The following UEVLD variants were observed in gnomAD, a reference collection of about 807,000 sequenced individuals.
The protein encoded by UEVLD is UEV and lactate/malate dehyrogenase domains.
In UEVLD, 47 loss-of-function variants were observed where a neutral mutation model predicts 58.6. That is an observed-to-expected ratio of 0.80 (90% confidence interval 0.63 to 1.02). The LOEUF (loss-of-function observed/expected upper bound fraction) is 1.02, where lower values mean the gene tolerates loss of function less well. UEVLD is among the 50% of genes least tolerant of loss of function. The probability of loss-of-function intolerance (pLI) is 0.00; values close to 1 mark genes in which losing one functional copy is unlikely to be tolerated. For missense variants in UEVLD, 510 were observed against 550.6 expected, an observed-to-expected ratio of 0.93 and a Z score of 0.74; for synonymous variants, 197 against 195.3, an observed-to-expected ratio of 1.01 and a Z score of -0.07.
At chr11:18,582,125 ATAATT>A (rs1853271213) in intron 1 of UEVLD, among the ~76,000 whole-genome samples, 1 of 152,334 alleles carries the variant, frequency 6.6e-6, no homozygotes, top group Admixed American at 6.5e-5. Flanking sequence ...ATCAACAAAT[ATAATT>A]TGTTTCATTT....
intron 2 of UEVLD, 126 bp from the exon 3 acceptor site, chr11:18,575,538 A>C: frequency 1.2e-6 from 1 of 859,526 alleles, no homozygotes; most frequent in Admixed American, 2.9e-5. Flanking sequence ...ACAATCTCTA[A>C]ACATAATCTA....
intron 7 of UEVLD, among the ~76,000 whole-genome samples, chr11:18,547,686 T>C (rs961155115): frequency 1.3e-5 from 2 of 152,244 alleles, no homozygotes; most frequent in Non-Finnish European, 2.9e-5. Flanking sequence ...GAACCTACCA[T>C]CAATTACACC....
chr11:18,569,627 A>C (rs1246958016), intron 4 of UEVLD, among the ~76,000 whole-genome samples: 1 of 113,670 alleles, frequency 8.8e-6, no homozygotes, highest in African/African-American at 3.0e-5. Context: ...TCAGGTAACC[A>C]TTAAAAACCA....
chr11:18,585,645 T>A (rs116960334), intron 1 of UEVLD, among the ~76,000 whole-genome samples: 5,392 of 138,152 alleles, frequency 0.039, 110 homozygotes, highest in African/African-American at 0.047. Context: ...TATTATTATT[T>A]TTTTTTTTTT....
At chr11:18,559,934 G>C (rs1450111402) in intron 6 of UEVLD, among the ~76,000 whole-genome samples, 2 of 152,034 alleles carry the variant, frequency 1.3e-5, no homozygotes, top group Non-Finnish European at 2.9e-5. Context: ...AGATCTACCA[G>C]ACTATCAGAC....
In UEVLD at chr11:18,570,319, G is replaced by T; in HGVS notation, c.252C>A (p.Pro84=). The change falls in exon 4 of 12, where the codon CCC becomes CCA. Residue 84 remains proline, a synonymous_variant. Coordinates refer to ENST00000396197, the MANE Select transcript of UEVLD (RefSeq NM_001040697.4). ...CAGTTGGCTTCAAGAAGCAAATAGG[G>T]GGAGCGAAAGGGTGAGAATCCAAAA... is the stretch of plus-strand genomic sequence containing the variant. The part of the protein sequence containing the change: ...FWILDSHPFA[P]PICFLKPTAN... The T allele has an allele frequency of 1.3e-6, 2 of 1,583,766 alleles. No homozygotes were observed. Among genetic ancestry groups the T allele is most frequent in the Non-Finnish European group, 1.7e-6 (2 of 1,171,664 alleles).
At chr11:18,557,027 G>A (rs1177962555) in intron 7 of UEVLD, among the ~76,000 whole-genome samples, 8 of 150,648 alleles carry the variant, frequency 5.3e-5, no homozygotes, top group Non-Finnish European at 1.0e-4. Flanking sequence ...GGGAAGTGGA[G>A]GTTCCAGTGA....
chr11:18,586,873 AC>A (rs1219100123), intron 1 of UEVLD, among the ~76,000 whole-genome samples: 1 of 136,402 alleles, frequency 7.3e-6, no homozygotes, highest in Non-Finnish European at 1.7e-5. Flanking sequence ...TACTAAAAAT[AC>A]AAAAAAAATT....
At chr11:18,557,555 C>CTT (rs565115740) in intron 7 of UEVLD, among the ~76,000 whole-genome samples, 1 of 138,088 alleles carries the variant, frequency 7.2e-6, no homozygotes. Context: ...TTCTTTTTTT[C>CTT]TTTTTTTTTT....
intron 5 of UEVLD, 40 bp downstream of exon 5, chr11:18,566,307 T>G (rs1466570576): frequency 6.2e-7 from 1 of 1,611,008 alleles, no homozygotes; most frequent in East Asian, 2.2e-5. Flanking sequence ...AACTGGTAAC[T>G]CATAACTCTC....
rs1590302697 is a variant in UEVLD, at chr11:18,534,390, G to A, written c.1188C>T (p.Asp396=). Residue 396 remains aspartate, a synonymous_variant, in exon 11 of 12, where the codon GAC becomes GAT. Transcript: ENST00000396197. ...RSWSVGLSVA[D]MVDSIVNNKK... ...TATTGTTTACAATACTGTCAACCAT[G>A]TCAGCTACTGATAGTCCAACAGACC... is the stretch of plus-strand genomic sequence containing the variant. The A allele has an allele frequency of 6.3e-7, 1 of 1,578,992 alleles. No homozygotes were observed. Among genetic ancestry groups the A allele is most frequent in the African/African-American group, 1.4e-5 (1 of 73,092 alleles).
chr11:18,542,392 C>A (rs1044167582), intron 9 of UEVLD, among the ~76,000 whole-genome samples: 1 of 151,888 alleles, frequency 6.6e-6, no homozygotes, highest in Non-Finnish European at 1.5e-5. Flanking sequence ...TACATTTGCT[C>A]CAAGTTCTTG....
At position 18,532,277 on chromosome 11, in the gene UEVLD, T is replaced by G. The variant is rs746662681; in HGVS notation, c.*43A>C. On this transcript the variant is annotated 3_prime_UTR_variant, in exon 12 of 12. Transcript: ENST00000396197. ...TATATAGGTAAAATTAAATGACTTTTCCCTTTAGGTAGAAGTCCAGCCTCT... is the reference window on the plus strand; with the variant it reads ...TATATAGGTAAAATTAAATGACTTTGCCCTTTAGGTAGAAGTCCAGCCTCT... 3.0e-5 allele frequency: 46 copies of G among 1,537,798 alleles called. No individual in the cohort carries two copies. The highest frequency in any genetic ancestry group is 1.1e-4 in the Admixed American group (5 of 46,868).
At chr11:18,583,657 C>CTTTTTT (rs35384688) in intron 1 of UEVLD, among the ~76,000 whole-genome samples, 79 of 117,236 alleles carry the variant, frequency 6.7e-4, no homozygotes, top group East Asian at 1.8e-3. Context: ...TCCAGTATTA[C>CTTTTTT]TTTTTTTTTT....
In UEVLD at chr11:18,534,329, C is replaced by T. The variant is rs200269677; in HGVS notation, c.1248+1G>A. ...AATAAGAGAATAAGAATAGCAATTA[C>T]CTTTGCTAAAGCTGATACAGAATGC... On this transcript the variant is annotated splice_donor_variant, in intron 11 of 11. Transcript: ENST00000396197. LOFTEE classifies it high-confidence loss of function. 661 of 1,513,604 alleles carry T rather than the reference C, an allele frequency of 4.4e-4. 2 individuals carry two copies. The highest frequency in any genetic ancestry group is 4.5e-4 in the Non-Finnish European group (517 of 1,136,902). The allele number at this position is 1,513,604 out of a possible 1,614,324, so 93.8% of individuals were successfully genotyped here. A position where few individuals can be genotyped will look rare whatever the true frequency, so the allele number is the denominator to read the frequency against.
chr11:18,546,943 C>T lies in UEVLD; in HGVS notation c.823G>A (p.Ala275Thr), dbSNP rs1458830594. 1 of 1,614,016 alleles carries T rather than the reference C, an allele frequency of 6.2e-7. No homozygotes were observed. Among genetic ancestry groups the T allele is most frequent in the Non-Finnish European group, 8.5e-7 (1 of 1,180,040 alleles). The change falls in exon 8 of 12, where the codon GCC becomes ACC. Residue 275 changes from alanine to threonine, a missense_variant. Transcript: ENST00000396197. ...VVQSNVDMFRALVPALGHYSQ... is the reference protein window; with the variant it reads ...VVQSNVDMFRTLVPALGHYSQ... ...TAATGTCCCAGAGCTGGGACAAGGG[C>T]TCTGAACATATCCACATTGCTCTGT...
At chr11:18,577,190 C>CCAAA (rs2134056316) in intron 2 of UEVLD, among the ~76,000 whole-genome samples, 1 of 152,000 alleles carries the variant, frequency 6.6e-6, no homozygotes, top group South Asian at 2.1e-4. Context: ...TCTCAACAAA[C>CCAAA]CAACCAACCA....
At chr11:18,579,964 G>A (rs1387270285) in intron 1 of UEVLD, among the ~76,000 whole-genome samples, 2 of 148,604 alleles carry the variant, frequency 1.3e-5, no homozygotes, top group African/African-American at 4.9e-5. Flanking sequence ...TCACGGACTT[G>A]AAGACTGTAT....
intron 6 of UEVLD, 45 bp from the exon 7 acceptor site, chr11:18,558,375 C>T (rs551887285): frequency 7.5e-7 from 1 of 1,327,124 alleles, no homozygotes; most frequent in Non-Finnish European, 1.0e-6. Flanking sequence ...TGGCCAGTGA[C>T]TCAATTTAAA....
Sources: allele counts gnomAD v4.1 joint callset (sites outside exome capture counted in the v4.1 genomes callset), GRCh38; gene constraint gnomAD v4.1.1; transcripts MANE v1.5; gene names NCBI Gene and HGNC (gene_info 2026-07-23, HGNC 2026-07-21).